The following PRKAR1A variants were observed in gnomAD, a reference collection of about 807,000 sequenced individuals.
The protein encoded by PRKAR1A is cAMP-dependent protein kinase type I-alpha regulatory subunit.
In PRKAR1A, 3 loss-of-function variants were observed where a neutral mutation model predicts 52.0. That is an observed-to-expected ratio of 0.06 (90% confidence interval 0.03 to 0.15). The LOEUF (loss-of-function observed/expected upper bound fraction) is 0.15. PRKAR1A is among the 10% of genes least tolerant of loss of function. The probability of loss-of-function intolerance (pLI) is 1.00; values close to 1 mark genes in which losing one functional copy is unlikely to be tolerated. For missense variants in PRKAR1A, 240 were observed against 477.4 expected, an observed-to-expected ratio of 0.50 and a Z score of 4.63; for synonymous variants, 188 against 168.4, an observed-to-expected ratio of 1.12 and a Z score of -0.90.
chr17:68,431,631 A>G, the PRKAR1A span, among the ~76,000 whole-genome samples: 2 of 66,304 alleles, frequency 3.0e-5, no homozygotes, highest in Non-Finnish European at 6.3e-5. Flanking sequence ...AAGAGACTGG[A>G]AAGTCAGACC....
chr17:68,534,559 C>CCTTTTTTTTTTTTTTTTTTG (rs2086052888), downstream of PRKAR1A, among the ~76,000 whole-genome samples: 1 of 77,726 alleles, frequency 1.3e-5, no homozygotes, highest in Non-Finnish European at 2.3e-5. Context: ...CTTTTTAGTG[C>CCTTTTTTTTTTTTTTTTTTG]CTTTTTTTTT....
the PRKAR1A span, chr17:68,427,030 C>G: frequency 8.4e-6 from 8 of 947,628 alleles, no homozygotes; most frequent in African/African-American, 1.1e-4. Context: ...GGAGGGCACT[C>G]CACCCCCAGG....
intron 8 of PRKAR1A, 133 bp from the exon 9 acceptor site, chr17:68,528,729 GACAGGTAC>G: frequency 8.9e-7 from 1 of 1,122,224 alleles, no homozygotes; most frequent in East Asian, 2.4e-5. Flanking sequence ...GGTAATTGAA[GACAGGTAC>G]CACTTTTAAT....
At chr17:68,521,117 T>C (rs1268593619) in intron 2 of PRKAR1A, among the ~76,000 whole-genome samples, 2 of 152,060 alleles carry the variant, frequency 1.3e-5, no homozygotes, top group Non-Finnish European at 2.9e-5. Context: ...AATTTTTGTA[T>C]TTTTAGTAGA....
chr17:68,443,599 T>C, the PRKAR1A span, among the ~76,000 whole-genome samples: 13 of 152,152 alleles, frequency 8.5e-5, no homozygotes, highest in Non-Finnish European at 1.8e-4. Flanking sequence ...CCCTGGGAGA[T>C]GGGTATTATT....
At position 68,518,291 on chromosome 17, in the gene PRKAR1A, A is replaced by G. The variant is rs946743109; in HGVS notation, c.177+2715A>G. Reference sequence around the variant, plus strand: ...GTGGGGACTCGGTGTGGGGGCTCCAAACGACCCCACATTTCCCTTCCGCAC... The same window carrying G: ...GTGGGGACTCGGTGTGGGGGCTCCAGACGACCCCACATTTCCCTTCCGCAC... On this transcript the variant is annotated intron_variant, in intron 2 of 10. Coordinates refer to ENST00000589228, the MANE Select transcript of PRKAR1A (RefSeq NM_002734.5). Among the ~76,000 whole-genome samples the G allele has an allele frequency of 3.9e-5, 6 of 152,214 alleles. No individual in the cohort carries two copies. In the Middle Eastern group the frequency reaches 0.01, roughly 259 times the overall value.
At chr17:68,430,859 T>G in the PRKAR1A span, among the ~76,000 whole-genome samples, 1 of 152,202 alleles carries the variant, frequency 6.6e-6, no homozygotes, top group Non-Finnish European at 1.5e-5. Flanking sequence ...AGCAGGCAAC[T>G]GCTGAGAGGC....
chr17:68,528,018 A>G, intron 8 of PRKAR1A, 118 bp downstream of exon 8: 5 of 889,146 alleles, frequency 5.6e-6, no homozygotes, highest in East Asian at 2.5e-5. Flanking sequence ...CTGAAAAGAC[A>G]GAAGGGCTGA....
rs954727566 is a variant in PRKAR1A, at chr17:68,530,674, T to A, written c.*225T>A. 1.4e-6 allele frequency: 2 copies of A among 1,432,898 alleles called. No homozygotes were observed. The highest frequency in any genetic ancestry group is 1.8e-6 in the Non-Finnish European group (2 of 1,093,732). The allele number at this position is 1,432,898 out of a possible 1,614,324, so 88.8% of individuals were successfully genotyped here. On this transcript the variant is annotated 3_prime_UTR_variant, in exon 11 of 11. Transcript: ENST00000589228. The stretch of plus-strand genomic sequence containing the variant: ...AGAAAGAGTTCTATGGAGACTTTGC[T>A]GTTACTGCTTCTCTTTGTGCAGTGT...
the PRKAR1A span, among the ~76,000 whole-genome samples, chr17:68,454,198 C>A: frequency 6.6e-6 from 1 of 152,220 alleles, no homozygotes; most frequent in East Asian, 1.9e-4. Context: ...GGAATCCTCA[C>A]CCAGCTCTTT....
chr17:68,420,971 CT>C, the PRKAR1A span: 1 of 157,412 alleles, frequency 6.4e-6, no homozygotes, highest in Non-Finnish European at 1.4e-5. Flanking sequence ...AGTGTACTCA[CT>C]GGTCTCCATC....
At chr17:68,424,251 C>T in the PRKAR1A span, among the ~76,000 whole-genome samples, 1 of 152,190 alleles carries the variant, frequency 6.6e-6, no homozygotes, top group African/African-American at 2.4e-5. Context: ...TCTCTGACAA[C>T]CTGCCTATTG....
At chr17:68,435,045 A>G in the PRKAR1A span, among the ~76,000 whole-genome samples, 6 of 152,102 alleles carry the variant, frequency 3.9e-5, no homozygotes, top group East Asian at 1.9e-4. Flanking sequence ...CGTCTCCACT[A>G]AAATACAAAA....
the PRKAR1A span, among the ~76,000 whole-genome samples, chr17:68,497,157 G>T: frequency 6.6e-6 from 1 of 152,168 alleles, no homozygotes; most frequent in East Asian, 1.9e-4. Context: ...AGCTCGAATG[G>T]AGAATGATAT....
downstream of PRKAR1A, chr17:68,537,402 G>GAGGA (rs1382442833): frequency 1.3e-6 from 2 of 1,591,336 alleles, no homozygotes; most frequent in Admixed American, 3.3e-5. This position sits in a 1 kb window ranked among gnomAD's most constrained non-coding sequence, Gnocchi z 4.2. Context: ...AGGTGGGAGT[G>GAGGA]AGGACGCAGG....
chr17:68,491,173 C>T, the PRKAR1A span, among the ~76,000 whole-genome samples: 8 of 151,478 alleles, frequency 5.3e-5, no homozygotes, highest in South Asian at 4.2e-4. Flanking sequence ...CTCACTGCAA[C>T]GTCTGCCTTC....
the PRKAR1A span, among the ~76,000 whole-genome samples, chr17:68,500,000 C>T: frequency 1.3e-5 from 2 of 152,200 alleles, no homozygotes; most frequent in Non-Finnish European, 2.9e-5. Flanking sequence ...GATTTTTATA[C>T]CCAGGACAGG....
At chr17:68,544,064 A>AGGGG (rs1348406967) in intron 11 of PRKAR1A, among the ~76,000 whole-genome samples, 2 of 152,182 alleles carry the variant, frequency 1.3e-5, no homozygotes, top group Admixed American at 1.3e-4. Flanking sequence ...AACAGAAGAG[A>AGGGG]GGGGAATGGT....
At chr17:68,420,395 A>C in the PRKAR1A span, 1 of 1,614,094 alleles carries the variant, frequency 6.2e-7, no homozygotes, top group Non-Finnish European at 8.5e-7. Flanking sequence ...CGCAGATTAC[A>C]CTCAGGACCC....
Sources: allele counts gnomAD v4.1 joint callset (sites outside exome capture counted in the v4.1 genomes callset), GRCh38; gene constraint gnomAD v4.1.1; non-coding constraint Gnocchi (gnomAD v3.1); transcripts MANE v1.5; gene names NCBI Gene and HGNC (gene_info 2026-07-23, HGNC 2026-07-21).